Variants in DDX6 observed in about 807,000 individuals in gnomAD.
DDX6 encodes probable ATP-dependent RNA helicase DDX6.
DDX6 carries 7 observed loss-of-function variants against 60.6 expected under a neutral mutation model. That is an observed-to-expected ratio of 0.12 (90% CI 0.07 to 0.22). DDX6 has a LOEUF of 0.22. Ranked by LOEUF, DDX6 falls within the 10% of genes least tolerant of loss-of-function variation. The pLI, the probability that DDX6 is intolerant of heterozygous loss-of-function variation, is 1.00. For missense variants in DDX6, 270 were observed against 589.9 expected, an observed-to-expected ratio of 0.46 and a Z score of 5.62; for synonymous variants, 207 against 201.0, an observed-to-expected ratio of 1.03 and a Z score of -0.25.
In DDX6 at chr11:118,781,843, A is replaced by C. The variant is rs192065778; in HGVS notation, c.201-659T>G. On this transcript the variant is annotated intron_variant, in intron 2 of 13. Transcript: ENST00000534980. ...CTCGGGAGGCTGAGGCAGGGGAATC[A>C]CTTGAACCTGGGAGGCGGACACTGC... 5.8e-4 allele frequency among the ~76,000 whole-genome samples: 88 copies of C among 150,444 alleles called. No homozygotes were observed. The Middle Eastern group carries it at 0.014, about 25-fold the overall frequency.
chr11:118,768,952 C>A (rs1555161827), intron 4 of DDX6, among the ~76,000 whole-genome samples: 1 of 134,676 alleles, frequency 7.4e-6, no homozygotes, highest in African/African-American at 2.8e-5. Context: ...GATTGCACCA[C>A]TGTACTCCAG....
intron 4 of DDX6, among the ~76,000 whole-genome samples, chr11:118,768,998 A>AAAAAAAG (rs1555161858): frequency 3.3e-5 from 5 of 149,466 alleles, no homozygotes; most frequent in African/African-American, 1.2e-4. Context: ...AAAAAAAAAA[A>AAAAAAAG]AAAAAAAAAA....
intron 5 of DDX6, 80 bp from the exon 6 acceptor site, chr11:118,765,435 T>G: frequency 6.9e-7 from 1 of 1,449,802 alleles, no homozygotes; most frequent in Non-Finnish European, 9.6e-7. Context: ...TTACAAAATT[T>G]AAGAAGCTAT....
intron 6 of DDX6, among the ~76,000 whole-genome samples, chr11:118,764,821 T>TACACAC (rs59605753): frequency 0.16 from 22,285 of 138,938 alleles, 2,115 homozygotes; most frequent in South Asian, 0.28. Flanking sequence ...AAAAAAAATA[T>TACACAC]ACACACACAC....
chr11:118,754,685 C>A lies in DDX6; in HGVS notation c.*7+20G>T. On this transcript the variant is annotated intron_variant, in intron 13 of 13. Coordinates refer to ENST00000534980, the MANE Select transcript of DDX6 (RefSeq NM_004397.6). Reference sequence around the variant, plus strand: ...TCCCTCATTTAAAGGTTCCTCTTAGCTGTTCTGTCAGGGACGTACATGCTT... The same window carrying A: ...TCCCTCATTTAAAGGTTCCTCTTAGATGTTCTGTCAGGGACGTACATGCTT... The A allele has an allele frequency of 6.4e-7, 1 of 1,572,114 alleles. No homozygotes were observed. The highest frequency in any genetic ancestry group is 8.6e-7 in the Non-Finnish European group (1 of 1,165,432).
Position 118,786,296 on chromosome 11 carries a change from A to C in DDX6, c.-45T>G. On this transcript the variant is annotated 5_prime_UTR_variant, in exon 2 of 14. Transcript: ENST00000534980. ...TCTTTCAAACTTCAAAACTTTTGAA[A>C]GTCAGTAGAGAAACTGTAATAACAG... The C allele has an allele frequency of 6.6e-7, 1 of 1,525,802 alleles. No individual in the cohort carries two copies. Among genetic ancestry groups the C allele is most frequent in the Non-Finnish European group, 8.9e-7 (1 of 1,121,828 alleles). The allele number at this position is 1,525,802 out of a possible 1,614,324, so 94.5% of individuals were successfully genotyped here.
At chr11:118,759,646 T>C (rs527923457) in intron 8 of DDX6, among the ~76,000 whole-genome samples, 1 of 152,298 alleles carries the variant, frequency 6.6e-6, no homozygotes, top group South Asian at 2.1e-4. Context: ...TATAGAATAA[T>C]ACCGGAATCA....
chr11:118,779,431 G>A (rs1241055970), intron 4 of DDX6, among the ~76,000 whole-genome samples: 3 of 152,080 alleles, frequency 2.0e-5, no homozygotes, highest in Non-Finnish European at 4.4e-5. Context: ...TTACGTAAGA[G>A]AATATCCTAA....
At chr11:118,762,385 G>A (rs979344124) in intron 7 of DDX6, among the ~76,000 whole-genome samples, 6 of 151,978 alleles carry the variant, frequency 3.9e-5, no homozygotes, top group Non-Finnish European at 7.4e-5. Context: ...GACTTACAAT[G>A]GGATTATGTT....
In DDX6 at chr11:118,779,598, A is replaced by G; in HGVS notation, c.369+34T>C. ...GAAAACTGTTTAATGGTTGACACAT[A>G]ACCTTACATATGTGATAAAAAGGGT... On this transcript the variant is annotated intron_variant, in intron 4 of 13. Transcript: ENST00000534980. The G allele has an allele frequency of 2.1e-6, 3 of 1,397,524 alleles. No individual in the cohort carries two copies. The South Asian group carries it at 3.7e-5, about 17-fold the overall frequency. The allele number at this position is 1,397,524 out of a possible 1,614,324, so 86.6% of individuals were successfully genotyped here.
chr11:118,776,807 T>A (rs1455495219), intron 4 of DDX6, among the ~76,000 whole-genome samples: 1 of 144,576 alleles, frequency 6.9e-6, no homozygotes, highest in Non-Finnish European at 1.5e-5. Context: ...CACTCCAGCC[T>A]GGCAACAGAG....
chr11:118,788,700 T>A (rs952112905), intron 1 of DDX6: 2 of 150,648 alleles, frequency 1.3e-5, no homozygotes, highest in Non-Finnish European at 3.0e-5. Flanking sequence ...GCCCGGCCTA[T>A]TATTTTTGAG....
In DDX6 at chr11:118,755,386, CCT is replaced by C. The variant is rs1860931849; in HGVS notation, c.1276+14_1276+15del. On this transcript the variant is annotated intron_variant, in intron 12 of 13. Coordinates refer to ENST00000534980, the MANE Select transcript of DDX6 (RefSeq NM_004397.6). ...AAAAGAACTTCTACCAAGAATATCACCTCTTTTTTCCTCACCTGATCTTCCAA... is the reference window on the plus strand; with the variant it reads ...AAAAGAACTTCTACCAAGAATATCACCTTTTTTCCTCACCTGATCTTCCAA... 6.6e-7 allele frequency: 1 copy of C among 1,517,390 alleles called. No individual in the cohort carries two copies. Among genetic ancestry groups the C allele is most frequent in the African/African-American group, 1.4e-5 (1 of 72,824 alleles). 94.0% of individuals were successfully genotyped at this position (1,517,390 alleles called of 1,614,324 possible). A position where few individuals can be genotyped will look rare whatever the true frequency, so the allele number is the denominator to read the frequency against.
rs533868092 is a variant in DDX6, at chr11:118,754,701, G to T, written c.*7+4C>A. 1.9e-6 allele frequency: 3 copies of T among 1,599,206 alleles called. No homozygotes were observed. On this transcript the variant is annotated splice_donor_region_variant and intron_variant, in intron 13 of 13. Coordinates refer to ENST00000534980, the MANE Select transcript of DDX6 (RefSeq NM_004397.6). ...TCCTCTTAGCTGTTCTGTCAGGGAC[G>T]TACATGCTTGTTAAGGTTTCTCATC...
Position 118,751,813 on chromosome 11 carries a change from CT to C in DDX6, c.*291del, listed in dbSNP as rs1352996046. 2.5e-6 allele frequency: 1 copy of C among 392,814 alleles called. No individual in the cohort carries two copies. Among genetic ancestry groups the C allele is most frequent in the African/African-American group, 2.2e-5 (1 of 46,352 alleles). The allele number at this position is 392,814 out of a possible 1,614,324, so 24.3% of individuals were successfully genotyped here. A position where few individuals can be genotyped will look rare whatever the true frequency, so the allele number is the denominator to read the frequency against. On this transcript the variant is annotated 3_prime_UTR_variant, in exon 14 of 14. Coordinates refer to ENST00000534980, the MANE Select transcript of DDX6 (RefSeq NM_004397.6). ...TTTTTAGGGTTTCTCCCCTTCTCTTCTTTCTTTTCCTTCCTTGTCCCCTTTC... is the reference window on the plus strand; with the variant it reads ...TTTTTAGGGTTTCTCCCCTTCTCTTCTTCTTTTCCTTCCTTGTCCCCTTTC...
At chr11:118,786,740 G>A (rs1862086749) in intron 1 of DDX6, 1 of 156,890 alleles carries the variant, frequency 6.4e-6, no homozygotes, top group South Asian at 2.1e-4. Context: ...TTAATTCAAA[G>A]CAATCCAGAG....
In DDX6 at chr11:118,786,222, A is replaced by G; in HGVS notation, c.30T>C (p.Val10=). 6.2e-7 allele frequency: 1 copy of G among 1,612,930 alleles called. No homozygotes were observed. Among genetic ancestry groups the G allele is most frequent in the Non-Finnish European group, 8.5e-7 (1 of 1,179,462 alleles). ...CATTTTGACTGGACAGACCCATTAT[A>G]ACAGGGTTCTCTGTTCTGGCCGTGC... is the stretch of plus-strand genomic sequence containing the variant. MSTARTENP[V]IMGLSSQNGQ... is the part of the protein sequence containing the mutation. Residue 10 remains valine, a synonymous_variant, in exon 2 of 14, where the codon GTT becomes GTC. Coordinates refer to ENST00000534980, the MANE Select transcript of DDX6 (RefSeq NM_004397.6).
intron 4 of DDX6, among the ~76,000 whole-genome samples, chr11:118,773,762 G>A (rs1219625949): frequency 6.6e-6 from 1 of 151,590 alleles, no homozygotes; most frequent in African/African-American, 2.4e-5. Flanking sequence ...GCTGAGGCAG[G>A]AGAACTGCTT....
intron 1 of DDX6, chr11:118,790,323 A>G (rs917536986): frequency 1.3e-5 from 2 of 152,114 alleles, no homozygotes; most frequent in Non-Finnish European, 2.9e-5. Context: ...TATCTGCGCA[A>G]TATGAGCCAG....
Sources: allele counts gnomAD v4.1 joint callset (sites outside exome capture counted in the v4.1 genomes callset), GRCh38; gene constraint gnomAD v4.1.1; transcripts MANE v1.5; gene names NCBI Gene and HGNC (gene_info 2026-07-23, HGNC 2026-07-21).